PDLIM1: variants seen among roughly 807,000 people sequenced by gnomAD.
PDLIM1 encodes PDZ and LIM domain protein 1.
In PDLIM1, 25 loss-of-function variants were observed where a neutral mutation model predicts 35.2. The ratio of observed to expected loss-of-function variants is 0.71; its 90% CI spans 0.52 to 0.99. The LOEUF is 0.99. Among genes scored for constraint, PDLIM1 ranks in the 50% least tolerant of loss-of-function variants. The pLI is 0.00. For synonymous variants in PDLIM1, 152 were observed against 154.0 expected, an observed-to-expected ratio of 0.99 and a Z score of 0.10; for missense variants, 363 against 415.3, an observed-to-expected ratio of 0.87 and a Z score of 1.09.
intron 5 of PDLIM1, among the ~76,000 whole-genome samples, chr10:95,246,088 A>T (rs567979760): frequency 6.6e-6 from 1 of 152,304 alleles, no homozygotes; most frequent in East Asian, 1.9e-4. Context: ...GGGCATAGAA[A>T]ACAAGACCCC....
At chr10:95,286,292 G>C (rs1382552128) in intron 1 of PDLIM1, among the ~76,000 whole-genome samples, 1 of 152,174 alleles carries the variant, frequency 6.6e-6, no homozygotes, top group Non-Finnish European at 1.5e-5. Context: ...AGGGGGTGGA[G>C]GTTGCAGTGA....
intron 2 of PDLIM1, among the ~76,000 whole-genome samples, chr10:95,269,255 A>C (rs1320863431): frequency 6.6e-6 from 1 of 152,186 alleles, no homozygotes; most frequent in Non-Finnish European, 1.5e-5. Flanking sequence ...CTTATTTGTG[A>C]AGCCTGTTTG....
Position 95,271,734 on chromosome 10 carries a change from T to A in PDLIM1, c.147A>T (p.Val49=). 6.2e-7 allele frequency: 1 copy of A among 1,613,304 alleles called. No homozygotes were observed. The highest frequency in any genetic ancestry group is 8.5e-7 in the Non-Finnish European group (1 of 1,179,718). Residue 49 remains valine (V), a synonymous_variant, in exon 2 of 7, where the codon GTA becomes GTT. Transcript: ENST00000329399. ...TATTTTCCCCATCAATGGCTGTGATTACATCTCCAATACATAAATTAGCTA... is the reference window on the plus strand; with the variant it reads ...TATTTTCCCCATCAATGGCTGTGATAACATCTCCAATACATAAATTAGCTA... ...AALANLCIGD[V]ITAIDGENTS...
chr10:95,264,199 G>A (rs2035392385), intron 3 of PDLIM1, 136 bp from the exon 4 acceptor site: 1 of 669,450 alleles, frequency 1.5e-6, no homozygotes, highest in Non-Finnish European at 2.6e-6. Flanking sequence ...TTTAGCTGAG[G>A]GACACTGACA....
chr10:95,268,359 CTTCCTATTACATA>C (rs2035432655), intron 3 of PDLIM1, among the ~76,000 whole-genome samples: 1 of 152,178 alleles, frequency 6.6e-6, no homozygotes, highest in South Asian at 2.1e-4. Context: ...AGAAGCAGGG[CTTCCTATTACATA>C]TTCCCCGATT....
intron 1 of PDLIM1, among the ~76,000 whole-genome samples, chr10:95,272,762 A>T (rs563416294): frequency 3.6e-4 from 55 of 152,306 alleles, no homozygotes; most frequent in African/African-American, 1.3e-3. Context: ...ATACTGGTTT[A>T]ATCTCCCAAA....
intron 3 of PDLIM1, among the ~76,000 whole-genome samples, chr10:95,264,789 C>A (rs767992825): frequency 2.0e-5 from 3 of 152,196 alleles, no homozygotes; most frequent in African/African-American, 7.2e-5. Flanking sequence ...CCTCCACCCC[C>A]ACCCTAGACT....
chr10:95,239,040 G>A (rs1480966191), intron 5 of PDLIM1, among the ~76,000 whole-genome samples: 1 of 115,042 alleles, frequency 8.7e-6, no homozygotes, highest in African/African-American at 3.0e-5. Context: ...CCAGAAACGA[G>A]ACCACACACC....
chr10:95,278,090 C>G (rs1169729870), intron 1 of PDLIM1, among the ~76,000 whole-genome samples: 1 of 152,204 alleles, frequency 6.6e-6, no homozygotes, highest in Non-Finnish European at 1.5e-5. Context: ...TTCTTTCTCT[C>G]TCTGTTCATT....
At chr10:95,288,868 T>C (rs542673522) in intron 1 of PDLIM1, among the ~76,000 whole-genome samples, 2 of 152,382 alleles carry the variant, frequency 1.3e-5, no homozygotes, top group Admixed American at 6.5e-5. Context: ...ACCTTGAGAA[T>C]GGAGCTGTGC....
At chr10:95,249,153 G>A (rs1336551997) in intron 4 of PDLIM1, among the ~76,000 whole-genome samples, 1 of 152,230 alleles carries the variant, frequency 6.6e-6, no homozygotes, top group Non-Finnish European at 1.5e-5. Flanking sequence ...GCAGGCATCA[G>A]GCAAGTGAAC....
intron 4 of PDLIM1, 151 bp downstream of exon 4, chr10:95,263,713 T>C (rs764877419): frequency 1.3e-5 from 8 of 602,258 alleles, no homozygotes; most frequent in Admixed American, 9.1e-5. Flanking sequence ...CCCCTTTGTG[T>C]AGATGAAGAA....
chr10:95,258,965 T>C (rs2035339112), intron 4 of PDLIM1, among the ~76,000 whole-genome samples: 1 of 152,178 alleles, frequency 6.6e-6, no homozygotes, highest in African/African-American at 2.4e-5. Context: ...TACTGTATGA[T>C]TCCATTAATA....
chr10:95,264,224 C>T (rs2035392673), intron 3 of PDLIM1, among the ~76,000 whole-genome samples, 161 bp from the exon 4 acceptor site: 1 of 152,090 alleles, frequency 6.6e-6, no homozygotes, highest in Admixed American at 6.6e-5. Flanking sequence ...CACTGAGACA[C>T]ACGGGCAATG....
intron 1 of PDLIM1, among the ~76,000 whole-genome samples, chr10:95,283,063 G>C (rs2035573920): frequency 6.6e-6 from 1 of 152,142 alleles, no homozygotes; most frequent in African/African-American, 2.4e-5. Flanking sequence ...AACCTTGAGG[G>C]AATTACTCTC....
intron 1 of PDLIM1, among the ~76,000 whole-genome samples, chr10:95,286,279 C>A (rs1262249250): frequency 6.6e-6 from 1 of 152,080 alleles, no homozygotes; most frequent in Non-Finnish European, 1.5e-5. Context: ...ATCGCTTGAA[C>A]CCAGGGGGTG....
intron 1 of PDLIM1, among the ~76,000 whole-genome samples, chr10:95,274,291 T>C (rs1436530123): frequency 2.6e-5 from 3 of 116,492 alleles, no homozygotes; most frequent in African/African-American, 9.0e-5. Flanking sequence ...CCCACAGTCA[T>C]CCTTTTTTTT....
intron 4 of PDLIM1, among the ~76,000 whole-genome samples, chr10:95,263,014 A>G (rs1446048573): frequency 1.3e-5 from 2 of 151,992 alleles, no homozygotes; most frequent in Admixed American, 1.3e-4. Flanking sequence ...GTGTGGTGGC[A>G]CACACCTGTA....
At chr10:95,238,887 C>CA (rs1463168377) in intron 5 of PDLIM1, 31 of 484,660 alleles carry the variant, frequency 6.4e-5, no homozygotes, top group Admixed American at 4.9e-4. Context: ...AACACCTGGC[C>CA]AAAGAAAAGC....
Sources: allele counts gnomAD v4.1 joint callset (sites outside exome capture counted in the v4.1 genomes callset), GRCh38; gene constraint gnomAD v4.1.1; transcripts MANE v1.5; gene names NCBI Gene and HGNC (gene_info 2026-07-23, HGNC 2026-07-21).